YAF2: variants seen among roughly 807,000 people sequenced by gnomAD.
The protein encoded by YAF2 is YY1 associated factor 2.
Under a neutral mutation model 20.1 loss-of-function variants are expected in YAF2, and 7 were observed. That is an observed-to-expected ratio of 0.35 (90% CI 0.20 to 0.65). The LOEUF is 0.65. Among genes scored for constraint, YAF2 ranks in the 30% least tolerant of loss-of-function variants. The probability of loss-of-function intolerance (pLI) is 0.69; values close to 1 mark genes in which losing one functional copy is unlikely to be tolerated. For synonymous variants in YAF2, 74 were observed against 76.0 expected (o/e 0.97, Z 0.14); for missense variants, 151 against 219.2 (o/e 0.69, Z 1.96).
At chr12:42,235,148 C>G in intron 2 of YAF2, 1 of 988,304 alleles carries the variant, frequency 1.0e-6, no homozygotes, top group Non-Finnish European at 1.2e-6. Flanking sequence ...CAGTCTGACC[C>G]AAAGGATTCA....
At chr12:42,207,119 C>T (rs1047102026) in intron 2 of YAF2, among the ~76,000 whole-genome samples, 22 of 152,114 alleles carry the variant, frequency 1.4e-4, no homozygotes, top group African/African-American at 4.3e-4. Flanking sequence ...CTCAATATAA[C>T]GACCATATCA....
At chr12:42,185,401 T>C (rs536018216) in intron 2 of YAF2, among the ~76,000 whole-genome samples, 4 of 152,346 alleles carry the variant, frequency 2.6e-5, no homozygotes, top group Admixed American at 1.3e-4. Context: ...TACATAAACT[T>C]AATTGATAAA....
chr12:42,188,387 T>C (rs909530613), intron 2 of YAF2, among the ~76,000 whole-genome samples: 5 of 148,958 alleles, frequency 3.4e-5, no homozygotes, highest in Admixed American at 2.0e-4. Flanking sequence ...ATTTTGCTTT[T>C]TTTTTTTTTT....
At chr12:42,168,081 A>G (rs1195517934) in intron 2 of YAF2, among the ~76,000 whole-genome samples, 1 of 152,184 alleles carries the variant, frequency 6.6e-6, no homozygotes, top group Non-Finnish European at 1.5e-5. Context: ...ATATTTTTAA[A>G]TCTAGGATTC....
At chr12:42,179,402 AG>A (rs2066282082) in intron 2 of YAF2, among the ~76,000 whole-genome samples, 1 of 152,178 alleles carries the variant, frequency 6.6e-6, no homozygotes, top group East Asian at 1.9e-4. Flanking sequence ...CCCAGGAGAA[AG>A]AGGTTTTAGT....
chr12:42,189,073 T>C (rs712120), intron 2 of YAF2, among the ~76,000 whole-genome samples: 122,479 of 152,096 alleles, frequency 0.81, 50,096 homozygotes, highest in African/African-American at 0.95. Flanking sequence ...TAAACTGAGC[T>C]TAGAGTGTGT....
At chr12:42,204,374 G>C (rs712129) in intron 2 of YAF2, among the ~76,000 whole-genome samples, 2 of 152,016 alleles carry the variant, frequency 1.3e-5, no homozygotes, top group Admixed American at 6.5e-5. Flanking sequence ...TTGAAAATAT[G>C]TGGGGGGAAA....
Position 42,232,544 on chromosome 12 carries a change from G to A in YAF2, c.152+5055C>T, listed in dbSNP as rs1242618667. 3.0e-6 allele frequency: 3 copies of A among 985,280 alleles called. No individual in the cohort carries two copies. In the African/African-American group the frequency reaches 5.2e-5, roughly 17 times the overall value. The allele number at this position is 985,280 out of a possible 1,614,324, so 61.0% of individuals were successfully genotyped here. A position where few individuals can be genotyped will look rare whatever the true frequency, so the allele number is the denominator to read the frequency against. ...AAATCTCCTAGAATAAGGAGTCTCT[G>A]AACAACTAAATGGTTGCTAGAAAGG... On this transcript the variant is annotated intron_variant, in intron 2 of 3. Coordinates refer to ENST00000534854, the MANE Select transcript of YAF2 (RefSeq NM_005748.6).
chr12:42,209,380 A>G (rs1416986419), intron 2 of YAF2, among the ~76,000 whole-genome samples: 1 of 151,942 alleles, frequency 6.6e-6, no homozygotes, highest in Non-Finnish European at 1.5e-5. Context: ...CCTGGGCAAC[A>G]TGGCAAAACC....
At chr12:42,205,983 T>C (rs554754755) in intron 2 of YAF2, 2 of 290,542 alleles carry the variant, frequency 6.9e-6, no homozygotes, top group African/African-American at 2.2e-5. Flanking sequence ...CCTCTGTGTA[T>C]GCTCTCTTCT....
intron 2 of YAF2, among the ~76,000 whole-genome samples, chr12:42,230,377 A>G (rs2067949509): frequency 6.6e-6 from 1 of 152,222 alleles, no homozygotes; most frequent in African/African-American, 2.4e-5. Flanking sequence ...AGCAGCAGGA[A>G]ATGAAGCTAG....
At chr12:42,190,540 CA>C (rs2066587572) in intron 2 of YAF2, among the ~76,000 whole-genome samples, 1 of 152,010 alleles carries the variant, frequency 6.6e-6, no homozygotes, top group Non-Finnish European at 1.5e-5. Context: ...TTATCTTCAC[CA>C]ATTACTTTTT....
At chr12:42,170,703 G>T (rs1409903149) in intron 2 of YAF2, among the ~76,000 whole-genome samples, 1 of 152,012 alleles carries the variant, frequency 6.6e-6, no homozygotes, top group African/African-American at 2.4e-5. Context: ...CAAATTAGCT[G>T]GGCATGGTGG....
At chr12:42,237,961 G>A (rs900053629) in intron 1 of YAF2, among the ~76,000 whole-genome samples, 194 bp downstream of exon 1, 1 of 148,540 alleles carries the variant, frequency 6.7e-6, no homozygotes, top group Admixed American at 6.7e-5. Flanking sequence ...CGGCCGCTCC[G>A]GTCGCCGCCG....
At chr12:42,191,621 A>G (rs950845115) in intron 2 of YAF2, among the ~76,000 whole-genome samples, 2 of 152,080 alleles carry the variant, frequency 1.3e-5, no homozygotes, top group African/African-American at 4.8e-5. Flanking sequence ...TTTGCTATAC[A>G]CTTATTTTAC....
chr12:42,176,075 C>T (rs1565606222), intron 2 of YAF2, among the ~76,000 whole-genome samples: 2 of 152,132 alleles, frequency 1.3e-5, no homozygotes, highest in African/African-American at 2.4e-5. Context: ...GGCGAAACTC[C>T]GTCTCTACTA....
At chr12:42,168,458 A>T (rs712113) in intron 2 of YAF2, among the ~76,000 whole-genome samples, 1 of 152,158 alleles carries the variant, frequency 6.6e-6, no homozygotes, top group Non-Finnish European at 1.5e-5. Context: ...CTGGGATTAT[A>T]GATGTGAGCC....
At chr12:42,178,372 G>A (rs2066252289) in intron 2 of YAF2, among the ~76,000 whole-genome samples, 1 of 152,052 alleles carries the variant, frequency 6.6e-6, no homozygotes, top group South Asian at 2.1e-4. Context: ...CTCCTATTGT[G>A]CAGTCAATGG....
At chr12:42,230,870 TA>T (rs2067966002) in intron 2 of YAF2, among the ~76,000 whole-genome samples, 1 of 152,252 alleles carries the variant, frequency 6.6e-6, no homozygotes, top group Non-Finnish European at 1.5e-5. Flanking sequence ...AGTTTCAATT[TA>T]AAAAGGGCCA....
Sources: gnomAD v4.1 joint callset for allele counts (sites outside exome capture counted in the v4.1 genomes callset) on GRCh38, gnomAD v4.1.1 for gene constraint, MANE v1.5 for transcripts, NCBI Gene and HGNC (gene_info 2026-07-23, HGNC 2026-07-21) for gene names.